Variants in GRAMD2A observed in about 807,000 individuals in gnomAD.
The protein encoded by GRAMD2A is GRAM domain-containing protein 2A.
GRAMD2A carries 37 observed loss-of-function variants against 51.1 expected under a neutral mutation model. The ratio of observed to expected loss-of-function variants is 0.72; its 90% confidence interval spans 0.56 to 0.95. GRAMD2A has a LOEUF of 0.95. Among genes scored for constraint, GRAMD2A ranks in the 40% least tolerant of loss-of-function variants. GRAMD2A has a pLI of 0.00. For synonymous variants in GRAMD2A, 136 were observed against 157.1 expected, an observed-to-expected ratio of 0.87 and a Z score of 1.01; for missense variants, 414 against 426.9, an observed-to-expected ratio of 0.97 and a Z score of 0.27.
chr15:72,193,232 CTTT>C (rs1233869892), intron 1 of GRAMD2A, among the ~76,000 whole-genome samples: 1 of 144,840 alleles, frequency 6.9e-6, no homozygotes. Context: ...CCAATCATTT[CTTT>C]TTTTTTTTTC....
intron 8 of GRAMD2A, 71 bp from the exon 9 acceptor site, chr15:72,163,828 A>G: frequency 6.6e-7 from 1 of 1,506,746 alleles, no homozygotes; most frequent in Non-Finnish European, 8.9e-7. Context: ...AGCCCACACC[A>G]GGTTTATCAG....
At position 72,163,615 on chromosome 15, in the gene GRAMD2A, G is replaced by C. The variant is rs1171462037; in HGVS notation, c.743C>G (p.Ser248Cys). Residue 248 changes from serine (S) to cysteine (C), a missense_variant and splice_region_variant, in exon 9 of 12, where the codon TCT becomes TGT. Coordinates refer to ENST00000309731, the MANE Select transcript of GRAMD2A (RefSeq NM_001012642.3). Reference sequence around the variant, plus strand: ...TGGACAAGCCCTCCCGAACTTACCAGACATTGGAGGCTTCCTGGAGGGGAA... The same window carrying C: ...TGGACAAGCCCTCCCGAACTTACCACACATTGGAGGCTTCCTGGAGGGGAA... The part of the protein sequence containing the change: ...SFFPSRKPPM[S>C]EKSRAQVASE... 2 of 1,594,910 alleles carry C rather than the reference G, an allele frequency of 1.3e-6. No individual in the cohort carries two copies. Among genetic ancestry groups the C allele is most frequent in the African/African-American group, 2.7e-5 (2 of 73,548 alleles).
intron 1 of GRAMD2A, chr15:72,176,010 C>G (rs952186317): frequency 2.6e-5 from 4 of 152,352 alleles, no homozygotes; most frequent in Non-Finnish European, 5.9e-5. Flanking sequence ...TCCAGGAGCT[C>G]TGGTTCGGTA....
chr15:72,181,094 A>G (rs575670598), intron 1 of GRAMD2A, among the ~76,000 whole-genome samples: 57 of 152,346 alleles, frequency 3.7e-4, no homozygotes, highest in Non-Finnish European at 6.2e-4. Context: ...CCATATACAA[A>G]GGCCCCAAGG....
At chr15:72,189,841 C>G (rs1209277832) in intron 1 of GRAMD2A, among the ~76,000 whole-genome samples, 1 of 152,196 alleles carries the variant, frequency 6.6e-6, no homozygotes, top group Non-Finnish European at 1.5e-5. Flanking sequence ...GAACCCAGGT[C>G]TGTCTGAAAG....
chr15:72,188,894 G>A (rs1054891997), intron 1 of GRAMD2A, among the ~76,000 whole-genome samples: 4 of 152,192 alleles, frequency 2.6e-5, no homozygotes, highest in African/African-American at 9.6e-5. Context: ...ATGTTGGCCA[G>A]GCTGGTCTCG....
At chr15:72,194,880 GTT>G (rs1322311474) in intron 1 of GRAMD2A, among the ~76,000 whole-genome samples, 1 of 152,024 alleles carries the variant, frequency 6.6e-6, no homozygotes, top group East Asian at 1.9e-4. Flanking sequence ...TAGAGATGGG[GTT>G]TTACCATGTT....
rs529410244 is a variant in GRAMD2A, at chr15:72,182,238, G to A, written c.42-12299C>T. 9.2e-4 allele frequency among the ~76,000 whole-genome samples: 140 copies of A among 151,860 alleles called. 1 individual carries two copies. The highest frequency in any genetic ancestry group is 1.5e-3 in the Non-Finnish European group (99 of 67,988). On this transcript the variant is annotated intron_variant, in intron 1 of 11. Transcript: ENST00000309731. ...AAATCAGCTGGGCGTGGTGGCGCAT[G>A]TCTATAATCCCAGCTACTCAGGAGG... is the stretch of plus-strand genomic sequence containing the variant.
chr15:72,178,548 TTATTGCTG>T (rs1047341781), intron 1 of GRAMD2A, among the ~76,000 whole-genome samples: 6 of 151,922 alleles, frequency 3.9e-5, no homozygotes, highest in African/African-American at 1.4e-4. Context: ...AATAATGTCA[TTATTGCTG>T]TCTTGCACTT....
chr15:72,169,988 T>C, intron 1 of GRAMD2A, 49 bp from the exon 2 acceptor site: 4 of 1,380,536 alleles, frequency 2.9e-6, no homozygotes, highest in Non-Finnish European at 4.1e-6. Context: ...TGAGGACACC[T>C]TTCCCTAACA....
chr15:72,183,370 C>A (rs1240016176), intron 1 of GRAMD2A, among the ~76,000 whole-genome samples: 2 of 149,396 alleles, frequency 1.3e-5, no homozygotes, highest in African/African-American at 5.0e-5. Context: ...CAAAAATTAG[C>A]CAGACATGGC....
chr15:72,167,800 C>A lies in GRAMD2A; in HGVS notation c.308G>T (p.Gly103Val). 3.7e-6 allele frequency: 6 copies of A among 1,614,064 alleles called. No homozygotes were observed. In the South Asian group the frequency reaches 5.5e-5, roughly 15 times the overall value. ...CALQRDFLLQ[G>V]RLYISPNWLC... ...CCAGTTGGGGGAGATGTAGAGCCGG[C>A]CCTGGAGGAGGAAGTCCCTCTGGAG... Residue 103 changes from glycine (G) to valine (V), a missense_variant, in exon 5 of 12, where the codon GGC becomes GTC. By Grantham distance (109) the Gly-to-Val change is moderately radical. Coordinates refer to ENST00000309731, the MANE Select transcript of GRAMD2A (RefSeq NM_001012642.3).
rs908055854 is a variant in GRAMD2A at position 72,160,667 on chromosome 15, C to T, written c.*1342G>A. ...AGCAACTTTCCCTGATACTTCTGGC[C>T]TCCTCACTAAGCCCTTCCAGAACCT... On this transcript the variant is annotated 3_prime_UTR_variant, in exon 12 of 12. Coordinates refer to ENST00000309731, the MANE Select transcript of GRAMD2A (RefSeq NM_001012642.3). 3.9e-5 allele frequency: 6 copies of T among 152,304 alleles called. No individual in the cohort carries two copies. The highest frequency in any genetic ancestry group is 1.3e-4 in the Admixed American group (2 of 15,284). The allele number at this position is 152,304 out of a possible 1,614,324, so 9.4% of individuals were successfully genotyped here.
chr15:72,170,380 G>A lies in GRAMD2A; in HGVS notation c.42-441C>T, dbSNP rs1388952996. ...AAACCATCAGGTTCCGGGAAAGTAGGCTGAGCACAGGAGGCCTTATCAAAG... is the reference window on the plus strand; with the variant it reads ...AAACCATCAGGTTCCGGGAAAGTAGACTGAGCACAGGAGGCCTTATCAAAG... On this transcript the variant is annotated intron_variant, in intron 1 of 11. Coordinates refer to ENST00000309731, the MANE Select transcript of GRAMD2A (RefSeq NM_001012642.3). The surrounding 1 kb of genome is among the most constrained non-coding windows in gnomAD (Gnocchi z 4.5). The A allele has an allele frequency of 4.4e-6, 2 of 456,552 alleles. No homozygotes were observed. The highest frequency in any genetic ancestry group is 8.8e-6 in the Non-Finnish European group (2 of 227,234). 28.3% of individuals were successfully genotyped at this position (456,552 alleles called of 1,614,324 possible).
intron 1 of GRAMD2A, among the ~76,000 whole-genome samples, chr15:72,191,217 TA>T (rs1426845801): frequency 6.6e-6 from 1 of 151,802 alleles, no homozygotes; most frequent in Non-Finnish European, 1.5e-5. Context: ...TTTTTTTTTT[TA>T]AATGGAGTTT....
Position 72,170,504 on chromosome 15 carries a change from G to A in GRAMD2A, c.42-565C>T, listed in dbSNP as rs1351073260. On this transcript the variant is annotated intron_variant, in intron 1 of 11. Transcript: ENST00000309731. The surrounding 1 kb of genome is among the most constrained non-coding windows in gnomAD (Gnocchi z 4.5). ...AGGAGCCGTCTTATACCAGGAAGTG[G>A]CCTCAGCCACCTTGGACAGTCAGGA... is the stretch of plus-strand genomic sequence containing the variant. The A allele has an allele frequency of 9.1e-6, 4 of 438,180 alleles. No individual in the cohort carries two copies. The highest frequency in any genetic ancestry group is 1.8e-5 in the Non-Finnish European group (4 of 217,956). 27.1% of individuals were successfully genotyped at this position (438,180 alleles called of 1,614,324 possible).
Position 72,166,922 on chromosome 15 carries a change from C to T in GRAMD2A, c.471+72G>A. 2 of 1,248,268 alleles carry T rather than the reference C, an allele frequency of 1.6e-6. No individual in the cohort carries two copies. The highest frequency in any genetic ancestry group is 1.5e-5 in the African/African-American group (1 of 67,836). The allele number at this position is 1,248,268 out of a possible 1,614,324, so 77.3% of individuals were successfully genotyped here. A position where few individuals can be genotyped will look rare whatever the true frequency, so the allele number is the denominator to read the frequency against. ...GTGAAATAAAGACCTGGGAATGTGCCCGAGTCAGACTGTGGGCTGTCAGGG... is the reference window on the plus strand; with the variant it reads ...GTGAAATAAAGACCTGGGAATGTGCTCGAGTCAGACTGTGGGCTGTCAGGG... On this transcript the variant is annotated intron_variant, in intron 6 of 11. Transcript: ENST00000309731. This position sits in a 1 kb window ranked among gnomAD's most constrained non-coding sequence, Gnocchi z 4.1.
At chr15:72,178,865 G>A (rs570313121) in intron 1 of GRAMD2A, among the ~76,000 whole-genome samples, 78 of 151,798 alleles carry the variant, frequency 5.1e-4, no homozygotes, top group African/African-American at 1.9e-3. Flanking sequence ...TGAGCCACCC[G>A]GCCCGGCTGT....
intron 8 of GRAMD2A, among the ~76,000 whole-genome samples, chr15:72,164,689 G>A (rs1007549600): frequency 6.6e-6 from 1 of 152,040 alleles, no homozygotes; most frequent in Non-Finnish European, 1.5e-5. Context: ...ACAGGCGTGA[G>A]CCACCACACT....
Sources: allele counts gnomAD v4.1 joint callset (sites outside exome capture counted in the v4.1 genomes callset), GRCh38; gene constraint gnomAD v4.1.1; non-coding constraint Gnocchi (gnomAD v3.1); transcripts MANE v1.5; gene names NCBI Gene and HGNC (gene_info 2026-07-23, HGNC 2026-07-21).